VAV2: variants seen among roughly 807,000 people sequenced by gnomAD.
The protein encoded by VAV2 is guanine nucleotide exchange factor VAV2.
A neutral mutation model predicts 132.5 loss-of-function variants in VAV2; 67 were observed. That is an observed-to-expected ratio of 0.51 (90% CI 0.42 to 0.62). The LOEUF (loss-of-function observed/expected upper bound fraction) is 0.62, where lower values mean the gene tolerates loss of function less well. Among genes scored for constraint, VAV2 ranks in the 20% least tolerant of loss-of-function variants. VAV2 has a pLI of 0.00. For synonymous variants in VAV2, 492 were observed against 443.5 expected (o/e 1.11, Z -1.37); for missense variants, 938 against 1,153.6 (o/e 0.81, Z 2.71).
intron 2 of VAV2, among the ~76,000 whole-genome samples, chr9:133,888,513 G>A (rs1046391130): frequency 2.0e-5 from 3 of 152,140 alleles, no homozygotes; most frequent in African/African-American, 7.2e-5. Context: ...CTACACCACC[G>A]GCCCTGGGTC....
chr9:133,770,600 G>C, intron 26 of VAV2, 99 bp from the exon 27 acceptor site: 1 of 1,541,098 alleles, frequency 6.5e-7, no homozygotes, highest in African/African-American at 1.4e-5. Flanking sequence ...TCATGTGGGG[G>C]AGACTAGCTT....
intron 3 of VAV2, among the ~76,000 whole-genome samples, chr9:133,851,802 TGG>T (rs1837184018): frequency 7.3e-6 from 1 of 136,694 alleles, no homozygotes; most frequent in Non-Finnish European, 1.5e-5. Flanking sequence ...GGTGAATAAA[TGG>T]ATGGATGGAT....
At chr9:133,807,696 A>C (rs1235874963) in intron 7 of VAV2, among the ~76,000 whole-genome samples, 1 of 152,208 alleles carries the variant, frequency 6.6e-6, no homozygotes, top group Non-Finnish European at 1.5e-5. Flanking sequence ...CTGGATGGAC[A>C]GGGCCATGGT....
chr9:133,958,013 G>A (rs4744538), intron 1 of VAV2, among the ~76,000 whole-genome samples: 3 of 124,614 alleles, frequency 2.4e-5, no homozygotes, highest in Non-Finnish European at 5.5e-5. Context: ...CAGCATGCTC[G>A]TTAAGAGTCA....
chr9:133,964,070 A>ATAT (rs1564507864), intron 1 of VAV2, among the ~76,000 whole-genome samples: 6 of 89,354 alleles, frequency 6.7e-5, no homozygotes, highest in Non-Finnish European at 1.3e-4. Context: ...CATATATATA[A>ATAT]ATGAATAGGC....
intron 16 of VAV2, among the ~76,000 whole-genome samples, chr9:133,786,859 G>T (rs919873384): frequency 5.3e-5 from 8 of 152,238 alleles, no homozygotes; most frequent in African/African-American, 1.9e-4. Flanking sequence ...GGGATGGAGA[G>T]GGGAAGCGTG....
At chr9:133,792,476 ATTGTG>A in intron 12 of VAV2, among the ~76,000 whole-genome samples, 1 of 88,302 alleles carries the variant, frequency 1.1e-5, no homozygotes, top group South Asian at 4.2e-4. Flanking sequence ...TGTGTGTGTG[ATTGTG>A]TGAGCAGGTT....
At chr9:133,854,491 T>C (rs1049889910) in intron 3 of VAV2, among the ~76,000 whole-genome samples, 3 of 152,266 alleles carry the variant, frequency 2.0e-5, no homozygotes, top group African/African-American at 4.8e-5. Context: ...GGCTGCCCAC[T>C]GCTACTCCTC....
At chr9:133,902,653 A>G (rs1839489395) in intron 2 of VAV2, among the ~76,000 whole-genome samples, 1 of 152,202 alleles carries the variant, frequency 6.6e-6, no homozygotes, top group South Asian at 2.1e-4. Flanking sequence ...AAAAAGATAC[A>G]TAGGGGTGCT....
At chr9:133,799,802 A>T (rs1834860393) in intron 9 of VAV2, among the ~76,000 whole-genome samples, 1 of 152,226 alleles carries the variant, frequency 6.6e-6, no homozygotes, top group Non-Finnish European at 1.5e-5. Context: ...CAAAAGCTTC[A>T]GAAGCCCCCG....
chr9:133,987,498 G>A (rs1842893357), intron 1 of VAV2, among the ~76,000 whole-genome samples: 1 of 152,226 alleles, frequency 6.6e-6, no homozygotes, highest in Non-Finnish European at 1.5e-5. Flanking sequence ...CGGAGGGGGG[G>A]ATGCCAAAAC....
chr9:133,856,267 G>A (rs911377329), intron 3 of VAV2, among the ~76,000 whole-genome samples: 8 of 152,230 alleles, frequency 5.3e-5, no homozygotes, highest in Non-Finnish European at 7.3e-5. Flanking sequence ...ACTTTACAAG[G>A]GTTACATTTA....
chr9:133,848,386 C>T (rs978024376), intron 3 of VAV2, among the ~76,000 whole-genome samples: 14 of 152,036 alleles, frequency 9.2e-5, no homozygotes. Context: ...GTGGTTACTT[C>T]CTGGCAGGCG....
chr9:133,840,726 T>G lies in VAV2; in HGVS notation c.381-6386A>C, dbSNP rs180797882. ...GGCATGGGCGGCCATTTGTCACTGATTCAGGGAGAAGGAACAGCTTGAATC... is the reference window on the plus strand; with the variant it reads ...GGCATGGGCGGCCATTTGTCACTGAGTCAGGGAGAAGGAACAGCTTGAATC... On this transcript the variant is annotated intron_variant, in intron 3 of 29. Coordinates refer to ENST00000371850, the MANE Select transcript of VAV2 (RefSeq NM_001134398.2). This position sits in a 1 kb window ranked among gnomAD's most constrained non-coding sequence, Gnocchi z 4.5. Among the ~76,000 whole-genome samples the G allele has an allele frequency of 8.4e-3, 1,281 of 152,322 alleles. 34 individuals carry two copies. Among genetic ancestry groups the G allele is most frequent in the Admixed American group, 0.053 (814 of 15,298 alleles).
rs778127923 is a variant in VAV2, at chr9:133,834,258, T to TC, written c.449+13dup. On this transcript the variant is annotated intron_variant, in intron 4 of 29. Coordinates refer to ENST00000371850, the MANE Select transcript of VAV2 (RefSeq NM_001134398.2). The surrounding 1 kb of genome is among the most constrained non-coding windows in gnomAD (Gnocchi z 5.9). ...TCCCTCCTCTCCATCCCTCCTCCCA[T>TC]CCCCCCGCCTTACTCGGCCAGCTCC... The TC allele has an allele frequency of 4.2e-6, 6 of 1,426,146 alleles. No individual in the cohort carries two copies. Among genetic ancestry groups the TC allele is most frequent in the African/African-American group, 1.4e-5 (1 of 69,582 alleles). 88.3% of individuals were successfully genotyped at this position (1,426,146 alleles called of 1,614,324 possible).
chr9:133,793,715 C>G (rs557765255), intron 12 of VAV2, among the ~76,000 whole-genome samples: 28 of 152,252 alleles, frequency 1.8e-4, no homozygotes, highest in Non-Finnish European at 3.8e-4. Flanking sequence ...AGAGGCAGGA[C>G]TGCAGTCAGC....
chr9:133,823,917 C>T lies in VAV2; in HGVS notation c.449+10355G>A, dbSNP rs941066904. On this transcript the variant is annotated intron_variant, in intron 4 of 29. Transcript: ENST00000371850. This position sits in a 1 kb window ranked among gnomAD's most constrained non-coding sequence, Gnocchi z 5.5. ...AGGGTGGTCACGCGCACCTGCTCTGCGTGCGTCAGAGGGTTCCCCTGCGAT... is the reference window on the plus strand; with the variant it reads ...AGGGTGGTCACGCGCACCTGCTCTGTGTGCGTCAGAGGGTTCCCCTGCGAT... Among the ~76,000 whole-genome samples, 7 of 152,146 alleles carry T rather than the reference C, an allele frequency of 4.6e-5. No individual in the cohort carries two copies. The highest frequency in any genetic ancestry group is 1.9e-4 in the East Asian group (1 of 5,182).
chr9:133,939,225 G>A lies in VAV2; in HGVS notation c.205-6C>T, dbSNP rs1481664038. 1 of 1,613,166 alleles carries A rather than the reference G, an allele frequency of 6.2e-7. No homozygotes were observed. Among genetic ancestry groups the A allele is most frequent in the Admixed American group, 1.7e-5 (1 of 59,976 alleles). On this transcript the variant is annotated splice_region_variant and splice_polypyrimidine_tract_variant and intron_variant, in intron 1 of 29. Transcript: ENST00000371850. Reference sequence around the variant, plus strand: ...ATGTTCTTCAAACACAGAAACTAAAGGGAAAAAACAAAGGGAGGGCAAGGA... The same window carrying A: ...ATGTTCTTCAAACACAGAAACTAAAAGGAAAAAACAAAGGGAGGGCAAGGA...
intron 3 of VAV2, among the ~76,000 whole-genome samples, chr9:133,852,289 G>C (rs541642920): frequency 6.6e-6 from 1 of 151,898 alleles, no homozygotes; most frequent in African/African-American, 2.4e-5. Flanking sequence ...TGAAAGAATG[G>C]ACAGGCAGAT....
Sources: gnomAD v4.1 joint callset for allele counts (sites outside exome capture counted in the v4.1 genomes callset) on GRCh38, gnomAD v4.1.1 for gene constraint, Gnocchi (gnomAD v3.1) non-coding constraint, MANE v1.5 for transcripts, NCBI Gene and HGNC (gene_info 2026-07-23, HGNC 2026-07-21) for gene names.